The following TRIOBP variants were observed in gnomAD, a reference collection of about 807,000 sequenced individuals.
TRIOBP encodes the protein TRIO and F-actin-binding protein.
TRIOBP carries 169 observed loss-of-function variants against 238.8 expected under a neutral mutation model. The ratio of observed to expected loss-of-function variants is 0.71; its 90% CI spans 0.62 to 0.80. The LOEUF is 0.80. TRIOBP is among the 30% of genes least tolerant of loss of function. The pLI is 0.00. For synonymous variants in TRIOBP, 1,150 were observed against 1,274.4 expected (o/e 0.90, Z 2.08); for missense variants, 2,838 against 3,122.6 (o/e 0.91, Z 2.17).
At chr22:37,751,352 A>C in intron 11 of TRIOBP, 1 of 336,142 alleles carries the variant, frequency 3.0e-6, no homozygotes, top group African/African-American at 2.1e-5. Flanking sequence ...TCCGTGGGGC[A>C]CTTGGTCCTC....
At chr22:37,706,505 A>G (rs1033471064) in intron 3 of TRIOBP, among the ~76,000 whole-genome samples, 2 of 152,008 alleles carry the variant, frequency 1.3e-5, no homozygotes, top group African/African-American at 4.8e-5. Context: ...GTTTCAAGAG[A>G]GGGGGCCAGG....
chr22:37,759,536 C>G, intron 17 of TRIOBP: 1 of 1,602,988 alleles, frequency 6.2e-7, no homozygotes, highest in Non-Finnish European at 8.5e-7. Flanking sequence ...GAGCGAGGGT[C>G]CGGCTGACTG....
chr22:37,754,884 C>T lies in TRIOBP; in HGVS notation c.5387C>T (p.Ser1796Phe). The T allele has an allele frequency of 6.2e-7, 1 of 1,614,128 alleles. No individual in the cohort carries two copies. The highest frequency in any genetic ancestry group is 1.1e-5 in the South Asian group (1 of 91,082). ...ATTCCATCCTCCTTGCAGCCTCCCT[C>T]CCCCTCGCTCACCACCACCTCTACT... ...SILDEPGEPP[S>F]PSLTTTSTSQ... Residue 1796 changes from serine to phenylalanine, a missense_variant, in exon 13 of 24, where the codon TCC (serine) becomes TTC (phenylalanine). Ser to Phe is a radical substitution (Grantham distance 155, BLOSUM62 -2). This residue lies in a region of TRIOBP where 2,096 missense variants were observed against 2,137.4 expected (regional missense o/e 0.98). Coordinates refer to ENST00000644935, the MANE Select transcript of TRIOBP (RefSeq NM_001039141.3).
intron 7 of TRIOBP, 85 bp downstream of exon 7, chr22:37,726,588 AGT>A: frequency 7.6e-7 from 1 of 1,321,312 alleles, no homozygotes; most frequent in Non-Finnish European, 9.9e-7. Flanking sequence ...GCCAAAAGAA[AGT>A]GTTCAAATCC....
chr22:37,741,636 A>G (rs1924939641), intron 11 of TRIOBP, among the ~76,000 whole-genome samples: 1 of 152,102 alleles, frequency 6.6e-6, no homozygotes, highest in Non-Finnish European at 1.5e-5. Context: ...TCTCTTACTC[A>G]CCGCTGTTGG....
intron 11 of TRIOBP, chr22:37,746,144 G>A: frequency 1.0e-6 from 1 of 992,702 alleles, no homozygotes; most frequent in Non-Finnish European, 1.2e-6. Context: ...TTGGCCCGCC[G>A]CGGCCCCCGC....
intron 3 of TRIOBP, 44 bp downstream of exon 3, chr22:37,701,523 C>T (rs762596110): frequency 7.0e-7 from 1 of 1,424,618 alleles, no homozygotes; most frequent in South Asian, 1.2e-5. Flanking sequence ...GTGATGGGGG[C>T]ATGGGTGAAG....
intron 3 of TRIOBP, 71 bp from the exon 4 acceptor site, chr22:37,710,356 A>T: frequency 6.2e-7 from 1 of 1,600,940 alleles, no homozygotes; most frequent in Non-Finnish European, 8.5e-7. Context: ...CGCCACCGGG[A>T]GGGGCTGTGC....
At chr22:37,718,049 G>A (rs2145826816) in intron 6 of TRIOBP, among the ~76,000 whole-genome samples, 1 of 152,314 alleles carries the variant, frequency 6.6e-6, no homozygotes, top group Non-Finnish European at 1.5e-5. Context: ...CACTGCTGGG[G>A]GACCCAGCAC....
At chr22:37,744,126 A>C (rs1234364197) in intron 11 of TRIOBP, among the ~76,000 whole-genome samples, 1 of 150,150 alleles carries the variant, frequency 6.7e-6, no homozygotes, top group Non-Finnish European at 1.5e-5. Context: ...CTCCTGCCTC[A>C]GCCTCCCAAG....
At chr22:37,768,222 T>C in intron 19 of TRIOBP, 46 bp downstream of exon 19, 1 of 1,516,578 alleles carries the variant, frequency 6.6e-7, no homozygotes, top group Non-Finnish European at 9.0e-7. Context: ...TGGTTATGGG[T>C]TGAGGAACTT....
In TRIOBP at chr22:37,765,681, G is replaced by A; in HGVS notation, c.6336G>A (p.Glu2112=). The A allele has an allele frequency of 6.4e-7, 1 of 1,550,760 alleles. No homozygotes were observed. The highest frequency in any genetic ancestry group is 8.7e-7 in the Non-Finnish European group (1 of 1,147,528). ...PPGYISQEAC[E]RSLAEMESSH... ...CGTCCGGCCCACAGGAGGCATGTGA[G>A]CGCAGCCTGGCAGAGATGGAGTCCT... is the stretch of plus-strand genomic sequence containing the variant. The change falls in exon 18 of 24, where the codon GAG becomes GAA. Residue 2112 remains glutamate (E), a synonymous_variant. Coordinates refer to ENST00000644935, the MANE Select transcript of TRIOBP (RefSeq NM_001039141.3).
Position 37,712,994 on chromosome 22 carries a change from AAAT to A in TRIOBP, c.255-210_255-208del, listed in dbSNP as rs1391345238. On this transcript the variant is annotated intron_variant, in intron 4 of 23. Transcript: ENST00000644935. ...TAAATAAATAAATAAATAAATAAAT[AAAT>A]AATAAAATTACAAAAAAAAAAGGGA... Among the ~76,000 whole-genome samples, 7 of 149,866 alleles carry A rather than the reference AAAT, an allele frequency of 4.7e-5. No individual in the cohort carries two copies. In the East Asian group the frequency reaches 1.2e-3, roughly 26 times the overall value.
At chr22:37,771,579 G>C in intron 21 of TRIOBP, 71 bp from the exon 22 acceptor site, 4 of 1,392,280 alleles carry the variant, frequency 2.9e-6, no homozygotes, top group Non-Finnish European at 4.1e-6. Context: ...GAGAACCCGG[G>C]CTGCAGGGCA....
intron 6 of TRIOBP, among the ~76,000 whole-genome samples, chr22:37,720,907 G>T (rs1923788993): frequency 6.6e-6 from 1 of 152,066 alleles, no homozygotes; most frequent in Non-Finnish European, 1.5e-5. Context: ...ACCCAGGCTG[G>T]AGTGCAGTGG....
In TRIOBP at chr22:37,735,027, G is replaced by C; in HGVS notation, c.4691G>C (p.Gly1564Ala). The C allele has an allele frequency of 6.2e-7, 1 of 1,609,788 alleles. No individual in the cohort carries two copies. The highest frequency in any genetic ancestry group is 1.7e-5 in the Admixed American group (1 of 59,928). ...GAGCTTGACTGGAGGGATCTGCTTG[G>C]CCTTCTCCGGGCACCAGGAGAGGGG... ...RPELDWRDLLGLLRAPGEGVW... is the reference protein window; with the variant it reads ...RPELDWRDLLALLRAPGEGVW... Residue 1564 changes from glycine to alanine, a missense_variant, in exon 9 of 24, where the codon GGC becomes GCC. Physicochemically the swap from Gly to Ala is moderately conservative, Grantham distance 60 (BLOSUM62 0). Coordinates refer to ENST00000644935, the MANE Select transcript of TRIOBP (RefSeq NM_001039141.3).
At chr22:37,731,470 T>TATA (rs1569044914) in intron 7 of TRIOBP, among the ~76,000 whole-genome samples, 7 of 38,432 alleles carry the variant, frequency 1.8e-4, no homozygotes, top group Admixed American at 4.6e-4. Context: ...ATATATATAT[T>TATA]TTTTGAGACA....
rs564941327 is a variant in TRIOBP, at chr22:37,751,708, C to T, written c.5323-64C>T. On this transcript the variant is annotated intron_variant, in intron 11 of 23. Transcript: ENST00000644935. ...GGGACAGGGTGGGTGCAGCACGCTC[C>T]CCTCACCAGCCCCCATTGGCTTCCT... The T allele has an allele frequency of 7.2e-5, 113 of 1,579,826 alleles. No homozygotes were observed. In the Middle Eastern group the frequency reaches 1.7e-3, roughly 23 times the overall value.
chr22:37,722,903 G>A (rs990868116), intron 6 of TRIOBP, among the ~76,000 whole-genome samples: 1 of 152,190 alleles, frequency 6.6e-6, no homozygotes, highest in African/African-American at 2.4e-5. Context: ...TGTCTTGTCC[G>A]TGGATCCCCA....
Sources: gnomAD v4.1 joint callset for allele counts (sites outside exome capture counted in the v4.1 genomes callset) on GRCh38, gnomAD v4.1.1 for gene constraint, gnomAD v4.1.1 regional missense constraint, MANE v1.5 for transcripts, NCBI Gene and HGNC (gene_info 2026-07-23, HGNC 2026-07-21) for gene names.